Variants in RHOQ observed in about 807,000 individuals in gnomAD.
RHOQ encodes ras homolog family member Q, also known as rho-related GTP-binding protein RhoQ.
Under a neutral mutation model 25.8 loss-of-function variants are expected in RHOQ, and 7 were observed. The ratio of observed to expected loss-of-function variants is 0.27; its 90% confidence interval spans 0.15 to 0.51. RHOQ has a LOEUF of 0.51. Among genes scored for constraint, RHOQ ranks in the 20% least tolerant of loss-of-function variants. RHOQ has a pLI of 0.97. For synonymous variants in RHOQ, 97 were observed against 98.6 expected, an observed-to-expected ratio of 0.98 and a Z score of 0.10; for missense variants, 165 against 260.6, an observed-to-expected ratio of 0.63 and a Z score of 2.53.
rs17035318 is a variant in RHOQ at position 46,581,907 on chromosome 2, C to T, written c.*824C>T. 9.8e-4 allele frequency: 220 copies of T among 224,088 alleles called. 3 individuals carry two copies. The East Asian group carries it at 0.015, about 15-fold the overall frequency. The allele number at this position is 224,088 out of a possible 1,614,324, so 13.9% of individuals were successfully genotyped here. ...CCATAATGATAGACTCAATTTAGCT[C>T]TCTGAACTAGTTGGTAATTTTTTTT... is the stretch of plus-strand genomic sequence containing the variant. On this transcript the variant is annotated 3_prime_UTR_variant, in exon 5 of 5. Coordinates refer to ENST00000238738, the MANE Select transcript of RHOQ (RefSeq NM_012249.4).
rs750438721 is a variant in RHOQ at position 46,543,007 on chromosome 2, G to A, written c.-40G>A. On this transcript the variant is annotated 5_prime_UTR_variant, in exon 1 of 5. Transcript: ENST00000238738. ...GGCTGAGCCCGGGGCCGGGGCGGGGGCTCCGGGGGGACCATGCCCGGAGGC... is the reference window on the plus strand; with the variant it reads ...GGCTGAGCCCGGGGCCGGGGCGGGGACTCCGGGGGGACCATGCCCGGAGGC... The A allele has an allele frequency of 4.7e-6, 7 of 1,473,688 alleles. No individual in the cohort carries two copies. Among genetic ancestry groups the A allele is most frequent in the Admixed American group, 4.8e-5 (2 of 41,498 alleles). 91.3% of individuals were successfully genotyped at this position (1,473,688 alleles called of 1,614,324 possible).
chr2:46,559,549 T>A (rs1033739492), intron 2 of RHOQ, among the ~76,000 whole-genome samples: 1 of 152,128 alleles, frequency 6.6e-6, no homozygotes, highest in African/African-American at 2.4e-5. Flanking sequence ...GCTGGATTGT[T>A]TGTTGTGGGG....
chr2:46,546,219 G>A (rs1668038480), intron 2 of RHOQ, among the ~76,000 whole-genome samples: 1 of 151,318 alleles, frequency 6.6e-6, no homozygotes, highest in African/African-American at 2.4e-5. Context: ...TTTAAAATGG[G>A]GATCTACCAC....
intron 2 of RHOQ, among the ~76,000 whole-genome samples, chr2:46,558,485 G>T (rs182812497): frequency 1.2e-3 from 176 of 152,120 alleles, no homozygotes; most frequent in African/African-American, 3.8e-3. Flanking sequence ...TTGTCTTTCA[G>T]CTTCTATTTA....
intron 2 of RHOQ, among the ~76,000 whole-genome samples, chr2:46,571,032 A>C (rs1263788545): frequency 6.6e-6 from 1 of 152,216 alleles, no homozygotes; most frequent in African/African-American, 2.4e-5. Flanking sequence ...AGAGAAACTA[A>C]GGCCCTAAGG....
At chr2:46,545,797 T>C (rs191331329) in intron 2 of RHOQ, among the ~76,000 whole-genome samples, 1 of 152,214 alleles carries the variant, frequency 6.6e-6, no homozygotes, top group African/African-American at 2.4e-5. Context: ...TCTGAGTGGG[T>C]GTTGGATGGC....
intron 2 of RHOQ, among the ~76,000 whole-genome samples, chr2:46,567,286 CAT>C (rs1303078109): frequency 6.6e-6 from 1 of 152,142 alleles, no homozygotes; most frequent in African/African-American, 2.4e-5. Flanking sequence ...TATTGGCTAA[CAT>C]AGTTATTTTT....
chr2:46,546,945 T>C (rs1668088901), intron 2 of RHOQ, among the ~76,000 whole-genome samples: 1 of 152,086 alleles, frequency 6.6e-6, no homozygotes, highest in Non-Finnish European at 1.5e-5. Flanking sequence ...ATTCCCATAG[T>C]CCCTATTGTG....
chr2:46,565,631 T>A lies in RHOQ; in HGVS notation c.202-10456T>A, dbSNP rs896366622. ...TACTGGAGAGAATTCAGGTATTTGA[T>A]CCACTTTCTCAAGCTTTGTAGCTGG... On this transcript the variant is annotated intron_variant, in intron 2 of 4. Transcript: ENST00000238738. 4.6e-5 allele frequency among the ~76,000 whole-genome samples: 7 copies of A among 152,212 alleles called. No homozygotes were observed. In the East Asian group the frequency reaches 1.3e-3, roughly 29 times the overall value.
chr2:46,581,103 A>C lies in RHOQ; in HGVS notation c.*20A>C, dbSNP rs1558695795. 2.1e-5 allele frequency: 31 copies of C among 1,467,580 alleles called. No individual in the cohort carries two copies. Among genetic ancestry groups the C allele is most frequent in the Non-Finnish European group, 2.7e-5 (30 of 1,095,898 alleles). The allele number at this position is 1,467,580 out of a possible 1,614,324, so 90.9% of individuals were successfully genotyped here. On this transcript the variant is annotated 3_prime_UTR_variant, in exon 5 of 5. Transcript: ENST00000238738. Reference sequence around the variant, plus strand: ...ACGTGAGAAACATCTTCAGTGGCCAAGGAAACTGTCCATTTCTCTCAGAAA... The same window carrying C: ...ACGTGAGAAACATCTTCAGTGGCCACGGAAACTGTCCATTTCTCTCAGAAA...
chr2:46,575,548 A>C (rs1422895175), intron 2 of RHOQ, among the ~76,000 whole-genome samples: 1 of 152,150 alleles, frequency 6.6e-6, no homozygotes, highest in African/African-American at 2.4e-5. Context: ...CAGGATTTGA[A>C]TCTCAGCTCC....
At chr2:46,557,226 A>G (rs1415089465) in intron 2 of RHOQ, among the ~76,000 whole-genome samples, 1 of 152,252 alleles carries the variant, frequency 6.6e-6, no homozygotes, top group Non-Finnish European at 1.5e-5. Flanking sequence ...ATTTATGCCT[A>G]GAAAACATTC....
At position 46,581,990 on chromosome 2, in the gene RHOQ, C is replaced by T. The variant is rs1669400389; in HGVS notation, c.*907C>T. 6.3e-6 allele frequency: 1 copy of T among 157,690 alleles called. No homozygotes were observed. Among genetic ancestry groups the T allele is most frequent in the African/African-American group, 2.4e-5 (1 of 41,372 alleles). The allele number at this position is 157,690 out of a possible 1,614,324, so 9.8% of individuals were successfully genotyped here. ...TGAAATGAGAAGTGTGTATGCTGAC[C>T]AAACCACAAGAAACTTTCTTTAAGT... On this transcript the variant is annotated 3_prime_UTR_variant, in exon 5 of 5. Coordinates refer to ENST00000238738, the MANE Select transcript of RHOQ (RefSeq NM_012249.4).
At position 46,581,788 on chromosome 2, in the gene RHOQ, A is replaced by T. The variant is rs1364252931; in HGVS notation, c.*705A>T. Reference sequence around the variant, plus strand: ...TAGTTAATGTGCATTAAACTGTAACAAGGCTTCTGGCAATTGTAGATTTAG... The same window carrying T: ...TAGTTAATGTGCATTAAACTGTAACTAGGCTTCTGGCAATTGTAGATTTAG... On this transcript the variant is annotated 3_prime_UTR_variant, in exon 5 of 5. Coordinates refer to ENST00000238738, the MANE Select transcript of RHOQ (RefSeq NM_012249.4). 28 of 667,768 alleles carry T rather than the reference A, an allele frequency of 4.2e-5. No individual in the cohort carries two copies. The highest frequency in any genetic ancestry group is 5.6e-5 in the African/African-American group (3 of 53,420). 41.4% of individuals were successfully genotyped at this position (667,768 alleles called of 1,614,324 possible).
At chr2:46,562,895 G>A (rs1322982218) in intron 2 of RHOQ, among the ~76,000 whole-genome samples, 2 of 152,064 alleles carry the variant, frequency 1.3e-5, no homozygotes, top group Non-Finnish European at 2.9e-5. Context: ...CTCATTTTCT[G>A]CCTATTTATT....
At chr2:46,571,449 T>A (rs1484708126) in intron 2 of RHOQ, among the ~76,000 whole-genome samples, 1 of 152,238 alleles carries the variant, frequency 6.6e-6, no homozygotes, top group Non-Finnish European at 1.5e-5. Flanking sequence ...TTTTAACATA[T>A]AGATACTTAA....
chr2:46,559,451 A>G (rs1572743213), intron 2 of RHOQ, among the ~76,000 whole-genome samples: 1 of 152,298 alleles, frequency 6.6e-6, no homozygotes, highest in African/African-American at 2.4e-5. Context: ...CATTGAGCAC[A>G]TGAGAAAGCA....
Position 46,569,872 on chromosome 2 carries a change from C to G in RHOQ, c.202-6215C>G, listed in dbSNP as rs74721100. 0.016 allele frequency among the ~76,000 whole-genome samples: 2,432 copies of G among 152,118 alleles called. 70 individuals carry two copies. Among genetic ancestry groups the G allele is most frequent in the African/African-American group, 0.056 (2,334 of 41,488 alleles). On this transcript the variant is annotated intron_variant, in intron 2 of 4. Transcript: ENST00000238738. The surrounding 1 kb of genome is among the most constrained non-coding windows in gnomAD (Gnocchi z 4.1). ...TGCAAAGTTTTTGAAAAACAGTGAC[C>G]TCTTAAGAATTTATAGCACCTAAAA...
At position 46,576,076 on chromosome 2, in the gene RHOQ, T is replaced by C. The variant is rs776687631; in HGVS notation, c.202-11T>C. 3.5e-5 allele frequency: 55 copies of C among 1,582,852 alleles called. No individual in the cohort carries two copies. Among genetic ancestry groups the C allele is most frequent in the Non-Finnish European group, 3.9e-5 (46 of 1,168,554 alleles). ...TGTAAATACATAATGAGGCTTTTCT[T>C]TGTTCCTCAGGAAGACTATGACCGT... is the stretch of plus-strand genomic sequence containing the variant. On this transcript the variant is annotated splice_polypyrimidine_tract_variant and intron_variant, in intron 2 of 4. Coordinates refer to ENST00000238738, the MANE Select transcript of RHOQ (RefSeq NM_012249.4). The surrounding 1 kb of genome is among the most constrained non-coding windows in gnomAD (Gnocchi z 5.1).
Sources: allele counts gnomAD v4.1 joint callset (sites outside exome capture counted in the v4.1 genomes callset), GRCh38; gene constraint gnomAD v4.1.1; non-coding constraint Gnocchi (gnomAD v3.1); transcripts MANE v1.5; gene names NCBI Gene and HGNC (gene_info 2026-07-23, HGNC 2026-07-21).